MGAT4C: variants seen among roughly 807,000 people sequenced by gnomAD.
The protein encoded by MGAT4C is MGAT4 family member C.
Under a neutral mutation model 40.1 loss-of-function variants are expected in MGAT4C, and 19 were observed. The observed-to-expected ratio is 0.47, with a 90% CI of 0.33 to 0.70. The LOEUF (loss-of-function observed/expected upper bound fraction) is 0.70. MGAT4C is among the 30% of genes least tolerant of loss of function. The pLI is 0.02. For synonymous variants in MGAT4C, 181 were observed against 187.1 expected (o/e 0.97, Z 0.27); for missense variants, 491 against 563.2 (o/e 0.87, Z 1.30).
intron 4 of MGAT4C, among the ~76,000 whole-genome samples, chr12:86,291,245 T>A (rs550219188): frequency 6.6e-6 from 1 of 152,286 alleles, no homozygotes; most frequent in African/African-American, 2.4e-5. Context: ...AGATTTATAT[T>A]GCCAAATAGC....
chr12:86,133,297 A>C (rs1172121280), intron 1 of MGAT4C, among the ~76,000 whole-genome samples: 2 of 152,224 alleles, frequency 1.3e-5, no homozygotes, highest in Non-Finnish European at 2.9e-5. Flanking sequence ...CAAATACTTA[A>C]GCATTGCAGT....
intron 4 of MGAT4C, among the ~76,000 whole-genome samples, chr12:86,273,586 AACTGAG>A (rs1381721561): frequency 6.6e-6 from 1 of 152,164 alleles, no homozygotes; most frequent in African/African-American, 2.4e-5. Flanking sequence ...CCAACTATGA[AACTGAG>A]AGATAAGAGA....
intron 2 of MGAT4C, among the ~76,000 whole-genome samples, chr12:86,012,789 C>A (rs979243968): frequency 7.5e-6 from 1 of 133,486 alleles, no homozygotes. Context: ...ACCACCACCA[C>A]CACCACCACC....
intron 2 of MGAT4C, among the ~76,000 whole-genome samples, chr12:86,534,007 G>C (rs1028090690): frequency 9.2e-5 from 14 of 151,944 alleles, no homozygotes; most frequent in Admixed American, 5.3e-4. Flanking sequence ...AGGAAGTTGA[G>C]GTATTTTACT....
rs140137951 is a variant in MGAT4C, at chr12:86,641,631, T to G, written c.-229+85578A>C. ...GTGACGGTGCCGATTTTGATTGCTT[T>G]TCTCCAGCTTACTGAACAAACAGAC... is the stretch of plus-strand genomic sequence containing the variant. On this transcript the variant is annotated intron_variant, in intron 2 of 7. Coordinates refer to the MGAT4C transcript ENST00000548651. Among the ~76,000 whole-genome samples the G allele has an allele frequency of 9.6e-3, 1,463 of 152,032 alleles. 27 individuals are homozygous for G. Among genetic ancestry groups the G allele is most frequent in the African/African-American group, 0.033 (1,388 of 41,526 alleles).
At chr12:86,201,999 A>C (rs1364946832) in intron 1 of MGAT4C, among the ~76,000 whole-genome samples, 2 of 82,024 alleles carry the variant, frequency 2.4e-5, no homozygotes, top group Non-Finnish European at 5.8e-5. Flanking sequence ...CCATGTATCC[A>C]GTGAATTTGA....
intron 1 of MGAT4C, among the ~76,000 whole-genome samples, chr12:86,113,514 A>T (rs1186696172): frequency 6.6e-6 from 1 of 151,918 alleles, no homozygotes; most frequent in Non-Finnish European, 1.5e-5. Flanking sequence ...GAATAAAAAA[A>T]TTAAAGCATA....
intron 3 of MGAT4C, among the ~76,000 whole-genome samples, chr12:86,360,210 T>C (rs1035695724): frequency 7.9e-5 from 12 of 152,054 alleles, no homozygotes; most frequent in Admixed American, 6.6e-5. Context: ...TAATCCATCA[T>C]AAAAACAGAA....
At chr12:86,015,667 GT>G (rs1889019634) in intron 2 of MGAT4C, 1 of 152,200 alleles carries the variant, frequency 6.6e-6, no homozygotes, top group African/African-American at 2.4e-5. Context: ...CATGTAGAGA[GT>G]TTCAAGATGG....
chr12:86,235,267 T>C (rs2136026911), intron 1 of MGAT4C, among the ~76,000 whole-genome samples: 1 of 152,206 alleles, frequency 6.6e-6, no homozygotes, highest in South Asian at 2.1e-4. Context: ...TTAGGTCACA[T>C]CATCTCTTTC....
chr12:86,671,913 A>C (rs1372581747), intron 2 of MGAT4C, among the ~76,000 whole-genome samples: 1 of 152,128 alleles, frequency 6.6e-6, no homozygotes. Context: ...TCAACCAAAA[A>C]ATGGAAATTA....
chr12:86,434,621 G>A (rs1957104971), intron 3 of MGAT4C, among the ~76,000 whole-genome samples: 1 of 151,878 alleles, frequency 6.6e-6, no homozygotes, highest in Non-Finnish European at 1.5e-5. Context: ...ACAGTCTTTA[G>A]AGCTAAAGTG....
chr12:86,514,789 T>A (rs1406622467), intron 2 of MGAT4C, among the ~76,000 whole-genome samples: 1 of 152,208 alleles, frequency 6.6e-6, no homozygotes, highest in Non-Finnish European at 1.5e-5. Flanking sequence ...GAGATTAGAA[T>A]GTGAACATTG....
intron 2 of MGAT4C, among the ~76,000 whole-genome samples, chr12:86,666,452 T>C (rs757197627): frequency 3.9e-5 from 6 of 152,200 alleles, no homozygotes; most frequent in Admixed American, 6.5e-5. Flanking sequence ...CAACACTCTT[T>C]CCTTAACATC....
intron 1 of MGAT4C, among the ~76,000 whole-genome samples, chr12:86,767,731 T>G (rs1951541276): frequency 6.6e-6 from 1 of 152,182 alleles, no homozygotes; most frequent in African/African-American, 2.4e-5. Flanking sequence ...TCAATAAATG[T>G]AATCCAGCAT....
chr12:85,969,432 A>T lies in MGAT4C; in HGVS notation c.*9857T>A, dbSNP rs1883512627. The T allele has an allele frequency of 6.6e-6, 1 of 151,682 alleles. No homozygotes were observed. Among genetic ancestry groups the T allele is most frequent in the Non-Finnish European group, 1.5e-5 (1 of 67,694 alleles). 9.4% of individuals were successfully genotyped at this position (151,682 alleles called of 1,614,324 possible). A position where few individuals can be genotyped will look rare whatever the true frequency, so the allele number is the denominator to read the frequency against. Reference sequence around the variant, plus strand: ...TGTTATGAAAGACTATTATATGATTAATACAAAGTTATAATTTTTGGAGTC... The same window carrying T: ...TGTTATGAAAGACTATTATATGATTTATACAAAGTTATAATTTTTGGAGTC... On this transcript the variant is annotated 3_prime_UTR_variant, in exon 5 of 5. Coordinates refer to ENST00000611864, the MANE Select transcript of MGAT4C (RefSeq NM_001351288.2).
Position 86,583,789 on chromosome 12 carries a change from C to T in MGAT4C, c.-229+143420G>A, listed in dbSNP as rs1960890864. Among the ~76,000 whole-genome samples, 3 of 151,000 alleles carry T rather than the reference C, an allele frequency of 2.0e-5. No individual in the cohort carries two copies. The Admixed American group carries it at 2.0e-4, about 10-fold the overall frequency. ...AAAATTATTTGCATAAAATTGTAAACTGTCCTTCAGTGTGGGAAATATATT... is the reference window on the plus strand; with the variant it reads ...AAAATTATTTGCATAAAATTGTAAATTGTCCTTCAGTGTGGGAAATATATT... On this transcript the variant is annotated intron_variant, in intron 2 of 7. Transcript: ENST00000548651.
chr12:86,277,278 T>C (rs940857880), intron 4 of MGAT4C, among the ~76,000 whole-genome samples: 2 of 152,178 alleles, frequency 1.3e-5, no homozygotes, highest in African/African-American at 4.8e-5. Flanking sequence ...TTTTCTTATA[T>C]ATTCTGGTTA....
rs570832154 is a variant in MGAT4C, at chr12:86,199,498, A to G, written c.-57+56741T>C. Reference sequence around the variant, plus strand: ...TATATTTTATTTCCTCATTCATAATACAATAATAAGCATATATTAATATTT... The same window carrying G: ...TATATTTTATTTCCTCATTCATAATGCAATAATAAGCATATATTAATATTT... On this transcript the variant is annotated intron_variant, in intron 1 of 4. Transcript: ENST00000611864. Among the ~76,000 whole-genome samples the G allele has an allele frequency of 2.2e-4, 34 of 152,274 alleles. No homozygotes were observed. The South Asian group carries it at 7.0e-3, about 32-fold the overall frequency.
Sources: gnomAD v4.1 joint callset for allele counts (sites outside exome capture counted in the v4.1 genomes callset) on GRCh38, gnomAD v4.1.1 for gene constraint, MANE v1.5 for transcripts, NCBI Gene and HGNC (gene_info 2026-07-23, HGNC 2026-07-21) for gene names.